The following DSC2 variants were observed in gnomAD, a reference collection of about 807,000 sequenced individuals.
The protein encoded by DSC2 is desmocollin-2.
DSC2 carries 51 observed loss-of-function variants against 87.6 expected under a neutral mutation model. The ratio of observed to expected loss-of-function variants is 0.58; its 90% CI spans 0.46 to 0.74. DSC2 has a LOEUF of 0.74. DSC2 is among the 30% of genes least tolerant of loss of function. The pLI is 0.00. For synonymous variants in DSC2, 383 were observed against 393.2 expected (o/e 0.97, Z 0.31); for missense variants, 1,066 against 1,089.5 (o/e 0.98, Z 0.30).
chr18:31,074,421 A>ATGTGTGTGTGTG (rs71175757), intron 12 of DSC2, among the ~76,000 whole-genome samples: 9 of 140,046 alleles, frequency 6.4e-5, no homozygotes, highest in African/African-American at 1.9e-4. Context: ...AAGAGAAAAA[A>ATGTGTGTGTGTG]TGTGTGTGTG....
rs867404895 is a variant in DSC2 at position 31,096,320 on chromosome 18, A to G, written c.70-2677T>C. The stretch of plus-strand genomic sequence containing the variant: ...ATTGCTAGGCCAAAACTGAAGATAA[A>G]GCTGGAACACACAGTGATAAGAGGA... On this transcript the variant is annotated intron_variant, in intron 1 of 15. Transcript: ENST00000280904. 4.6e-5 allele frequency among the ~76,000 whole-genome samples: 7 copies of G among 152,188 alleles called. No homozygotes were observed. The South Asian group carries it at 1.4e-3, about 32-fold the overall frequency.
intron 2 of DSC2, 61 bp from the exon 3 acceptor site, chr18:31,092,361 T>C (rs1041161638): frequency 6.8e-7 from 1 of 1,476,406 alleles, no homozygotes; most frequent in African/African-American, 1.4e-5. Context: ...GTTTTAACAG[T>C]AATGTATGCA....
chr18:31,093,753 TATA>T (rs1192165034), intron 1 of DSC2, 110 bp from the exon 2 acceptor site: 25 of 325,832 alleles, frequency 7.7e-5, no homozygotes, highest in African/African-American at 3.8e-4. Context: ...TAAAAAGGCA[TATA>T]ATACTTATAT....
chr18:31,081,237 T>C (rs1057071164), intron 9 of DSC2, among the ~76,000 whole-genome samples: 1 of 152,208 alleles, frequency 6.6e-6, no homozygotes, highest in Non-Finnish European at 1.5e-5. Context: ...AATACAAAGC[T>C]TATGGGCATC....
chr18:31,080,213 C>T lies in DSC2; in HGVS notation c.1403G>A (p.Gly468Asp). The part of the protein sequence containing the change: ...VTVNVEDQDE[G>D]PECNPPIQTV... ...CTGTATTGGAGGGTTACACTCAGGG[C>T]CCTCATCCTGATCTTCTACATTAAC... The change falls in exon 10 of 16, where the codon GGC becomes GAC. Residue 468 changes from glycine (G) to aspartate (D), a missense_variant. Coordinates refer to ENST00000280904, the MANE Select transcript of DSC2 (RefSeq NM_024422.6). The T allele has an allele frequency of 6.2e-7, 1 of 1,614,034 alleles. No homozygotes were observed.
chr18:31,091,175 TAA>T, intron 3 of DSC2, 28 bp from the exon 4 acceptor site: 1 of 1,612,264 alleles, frequency 6.2e-7, no homozygotes, highest in Non-Finnish European at 8.5e-7. Flanking sequence ...GAAAAAATAA[TAA>T]AGTCAATGAC....
Position 31,067,379 on chromosome 18 carries a change from A to C in DSC2, c.*636T>G, listed in dbSNP as rs1986659355. The C allele has an allele frequency of 6.6e-6, 1 of 152,172 alleles. No homozygotes were observed. The highest frequency in any genetic ancestry group is 2.4e-5 in the African/African-American group (1 of 41,450). 9.4% of individuals were successfully genotyped at this position (152,172 alleles called of 1,614,324 possible). On this transcript the variant is annotated 3_prime_UTR_variant, in exon 16 of 16. Coordinates refer to ENST00000280904, the MANE Select transcript of DSC2 (RefSeq NM_024422.6). ...CATTCTGAAAGTATTTTAAAACTTA[A>C]ATTTCACTGGCAAAAGTAGGTAACA...
chr18:31,081,787 T>C (rs1362202993), intron 9 of DSC2, among the ~76,000 whole-genome samples: 1 of 152,208 alleles, frequency 6.6e-6, no homozygotes, highest in Non-Finnish European at 1.5e-5. Flanking sequence ...ATTTTCATTC[T>C]GAACCTGGAT....
At chr18:31,091,245 T>G (rs1207950141) in intron 3 of DSC2, 98 bp from the exon 4 acceptor site, 13 of 1,487,144 alleles carry the variant, frequency 8.7e-6, no homozygotes, top group Non-Finnish European at 9.2e-7. Context: ...GAGGATTAGC[T>G]GGGTAGGGGT....
In DSC2 at chr18:31,067,294, GAGAA is replaced by G. The variant is rs1986656229; in HGVS notation, c.*717_*720del. On this transcript the variant is annotated 3_prime_UTR_variant, in exon 16 of 16. Coordinates refer to ENST00000280904, the MANE Select transcript of DSC2 (RefSeq NM_024422.6). ...GGAGAGAGAAACAGAAAGAGACAGA[GAGAA>G]AGAGAGAGATGCTACTTGACATTTT... 6.7e-6 allele frequency: 1 copy of G among 149,384 alleles called. No individual in the cohort carries two copies. 9.3% of individuals were successfully genotyped at this position (149,384 alleles called of 1,614,324 possible).
rs1986484452 is a variant in DSC2, at chr18:31,060,724, A to T, written c.*7291T>A. 1.3e-5 allele frequency: 2 copies of T among 152,208 alleles called. No homozygotes were observed. Among genetic ancestry groups the T allele is most frequent in the African/African-American group, 4.8e-5 (2 of 41,454 alleles). The allele number at this position is 152,208 out of a possible 1,614,324, so 9.4% of individuals were successfully genotyped here. A position where few individuals can be genotyped will look rare whatever the true frequency, so the allele number is the denominator to read the frequency against. On this transcript the variant is annotated 3_prime_UTR_variant, in exon 16 of 16. Coordinates refer to ENST00000280904, the MANE Select transcript of DSC2 (RefSeq NM_024422.6). Reference sequence around the variant, plus strand: ...AGCATTTATGTGGCAAAACTTGTTAATTTTTATTAAATGTTTTCTGTGTGG... The same window carrying T: ...AGCATTTATGTGGCAAAACTTGTTATTTTTTATTAAATGTTTTCTGTGTGG...
chr18:31,086,973 T>A (rs932135412), intron 6 of DSC2, among the ~76,000 whole-genome samples: 12 of 152,194 alleles, frequency 7.9e-5, no homozygotes, highest in African/African-American at 2.9e-4. Context: ...TTGTATTTAA[T>A]GTATGATTTT....
intron 1 of DSC2, among the ~76,000 whole-genome samples, chr18:31,099,774 A>G (rs998027196): frequency 6.6e-6 from 1 of 152,210 alleles, no homozygotes; most frequent in Non-Finnish European, 1.5e-5. Context: ...AAGAAACATT[A>G]AGAAGTGAGG....
intron 12 of DSC2, among the ~76,000 whole-genome samples, chr18:31,074,381 T>C (rs1404000537): frequency 6.6e-6 from 1 of 151,172 alleles, no homozygotes; most frequent in Non-Finnish European, 1.5e-5. Context: ...ATGACTGCAT[T>C]AGACCAAGTC....
intron 3 of DSC2, 91 bp downstream of exon 3, chr18:31,092,010 C>T (rs1376094189): frequency 4.3e-6 from 6 of 1,383,438 alleles, no homozygotes; most frequent in Non-Finnish European, 6.0e-6. Flanking sequence ...CCAAACTATA[C>T]CATATCCTTT....
chr18:31,070,615 G>A lies in DSC2; in HGVS notation c.2250+111C>T. On this transcript the variant is annotated intron_variant, in intron 14 of 15. Transcript: ENST00000280904. Reference sequence around the variant, plus strand: ...TTCAGGGGACCCATGACATTCTATGGTAAATTGCCTGATACCAAAAGAACT... The same window carrying A: ...TTCAGGGGACCCATGACATTCTATGATAAATTGCCTGATACCAAAAGAACT... 5 of 1,447,972 alleles carry A rather than the reference G, an allele frequency of 3.5e-6. No individual in the cohort carries two copies. The South Asian group carries it at 5.9e-5, about 17-fold the overall frequency. The allele number at this position is 1,447,972 out of a possible 1,614,324, so 89.7% of individuals were successfully genotyped here. A position where few individuals can be genotyped will look rare whatever the true frequency, so the allele number is the denominator to read the frequency against.
Position 31,079,914 on chromosome 18 carries a change from G to T in DSC2, c.1596C>A (p.Ser532Arg). 6.2e-7 allele frequency: 1 copy of T among 1,613,872 alleles called. No homozygotes were observed. The highest frequency in any genetic ancestry group is 8.5e-7 in the Non-Finnish European group (1 of 1,179,936). Residue 532 changes from serine (S) to arginine (R), a missense_variant, in exon 11 of 16, where the codon AGC (serine) becomes AGA (arginine). By Grantham distance (110) the Ser-to-Arg change is moderately radical. Coordinates refer to ENST00000280904, the MANE Select transcript of DSC2 (RefSeq NM_024422.6). ...ENTGSIKVFR[S>R]LDREAETIKN... Reference sequence around the variant, plus strand: ...TGATGGTCTCTGCCTCTCTATCCAGGCTTCTGAAAACTTTGATTGATCCTG... The same window carrying T: ...TGATGGTCTCTGCCTCTCTATCCAGTCTTCTGAAAACTTTGATTGATCCTG...
At chr18:31,086,545 T>G in intron 7 of DSC2, 31 bp downstream of exon 7, 1 of 1,613,668 alleles carries the variant, frequency 6.2e-7, no homozygotes, top group African/African-American at 1.3e-5. Flanking sequence ...ATAGCCACGT[T>G]ATAATCAGGT....
intron 2 of DSC2, 72 bp from the exon 3 acceptor site, chr18:31,092,372 C>A (rs559674687): frequency 1.9e-5 from 27 of 1,388,828 alleles, no homozygotes; most frequent in Non-Finnish European, 2.5e-5. Context: ...AATGTATGCA[C>A]GTGGGGAGAG....
Sources: gnomAD v4.1 joint callset for allele counts (sites outside exome capture counted in the v4.1 genomes callset) on GRCh38, gnomAD v4.1.1 for gene constraint, MANE v1.5 for transcripts, NCBI Gene and HGNC (gene_info 2026-07-23, HGNC 2026-07-21) for gene names.